WRNIP1: variants seen among roughly 807,000 people sequenced by gnomAD.
WRNIP1 encodes WRN helicase interacting protein 1.
In WRNIP1, 41 loss-of-function variants were observed where a neutral mutation model predicts 56.1. The ratio of observed to expected loss-of-function variants is 0.73; its 90% CI spans 0.57 to 0.95. The LOEUF (loss-of-function observed/expected upper bound fraction) is 0.95, where lower values mean the gene tolerates loss of function less well. Among genes scored for constraint, WRNIP1 ranks in the 40% least tolerant of loss-of-function variants. WRNIP1 has a pLI of 0.00. For missense variants in WRNIP1, 1,170 were observed against 939.4 expected (o/e 1.25, Z -3.21); for synonymous variants, 547 against 398.1 (o/e 1.37, Z -4.45).
In WRNIP1 at chr6:2,765,599, G is replaced by A. The variant is rs1457764094; in HGVS notation, c.-24G>A. On this transcript the variant is annotated 5_prime_UTR_variant, in exon 1 of 7. Transcript: ENST00000380773. ...GCACGGGTTGCTGCGGCCGCGCCGG[G>A]CGCCGGGGAGGGCGGCGGCCGCCAT... 5 of 1,489,350 alleles carry A rather than the reference G, an allele frequency of 3.4e-6. No individual in the cohort carries two copies. Among genetic ancestry groups the A allele is most frequent in the Non-Finnish European group, 3.5e-6 (4 of 1,127,214 alleles). The allele number at this position is 1,489,350 out of a possible 1,614,324, so 92.3% of individuals were successfully genotyped here.
chr6:2,784,640 C>T (rs1366284870), intron 6 of WRNIP1, among the ~76,000 whole-genome samples: 1 of 152,112 alleles, frequency 6.6e-6, no homozygotes, highest in Non-Finnish European at 1.5e-5. Context: ...AGCACATGCT[C>T]CATATGTTCC....
At position 2,765,506 on chromosome 6, in the gene WRNIP1, T is replaced by C; in HGVS notation, c.-117T>C. 1.6e-6 allele frequency: 2 copies of C among 1,256,124 alleles called. No homozygotes were observed. The highest frequency in any genetic ancestry group is 1.6e-5 in the African/African-American group (1 of 63,092). The allele number at this position is 1,256,124 out of a possible 1,614,324, so 77.8% of individuals were successfully genotyped here. A position where few individuals can be genotyped will look rare whatever the true frequency, so the allele number is the denominator to read the frequency against. ...GCCCTCCTCCGGCCCGCGAGCGTCC[T>C]GCTGGTTCCCCGAGCGAGGGTCTCG... On this transcript the variant is annotated 5_prime_UTR_variant, in exon 1 of 7. Coordinates refer to ENST00000380773, the MANE Select transcript of WRNIP1 (RefSeq NM_020135.3).
Position 2,765,658 on chromosome 6 carries a change from T to G in WRNIP1, c.36T>G (p.Leu12=), listed in dbSNP as rs1460517994. The G allele has an allele frequency of 6.5e-7, 1 of 1,546,326 alleles. No individual in the cohort carries two copies. Among genetic ancestry groups the G allele is most frequent in the African/African-American group, 1.4e-5 (1 of 70,088 alleles). ...EVSGPEDDPF[L]SQLHQVQCPV... ...GCGGGCCGGAAGACGACCCCTTCCT[T>G]TCGCAGCTGCACCAGGTGCAGTGCC... The change falls in exon 1 of 7, where the codon CTT becomes CTG. Residue 12 remains leucine (L), a synonymous_variant. Transcript: ENST00000380773.
intron 3 of WRNIP1, chr6:2,774,422 T>G (rs1765385025): frequency 9.2e-6 from 3 of 326,652 alleles, no homozygotes; most frequent in African/African-American, 2.2e-5. Context: ...TGGCATTCCT[T>G]GGCTTATGAC....
At position 2,766,039 on chromosome 6, in the gene WRNIP1, G is replaced by A; in HGVS notation, c.417G>A (p.Ser139=). The A allele has an allele frequency of 7.7e-7, 1 of 1,303,422 alleles. No homozygotes were observed. Among genetic ancestry groups the A allele is most frequent in the Non-Finnish European group, 9.7e-7 (1 of 1,030,752 alleles). 80.7% of individuals were successfully genotyped at this position (1,303,422 alleles called of 1,614,324 possible). ...CCAGCAGCCCCGGGAGGAAGGGGTC[G>A]GGGAAGAGGCCGGCGGCCGCCGCCG... ...ARSSSPGRKG[S]GKRPAAAAAA... The change falls in exon 1 of 7, where the codon TCG becomes TCA. Residue 139 remains serine (S), a synonymous_variant. Coordinates refer to ENST00000380773, the MANE Select transcript of WRNIP1 (RefSeq NM_020135.3).
At position 2,785,111 on chromosome 6, in the gene WRNIP1, GC is replaced by G. The variant is rs1488268078; in HGVS notation, c.1829del (p.Pro610HisfsTer9). ...AAGCCTGCCTGAGGAACCACCAGGG[GC>G]CACTGCCCCCCGTGCCCCTGCACCT... ...VKACLRNHQG[P>X]LPPVPLHLRN... On this transcript the variant is annotated frameshift_variant, in exon 7 of 7. Coordinates refer to ENST00000380773, the MANE Select transcript of WRNIP1 (RefSeq NM_020135.3). LOFTEE classifies it high-confidence loss of function. 1.2e-6 allele frequency: 2 copies of G among 1,614,084 alleles called. No homozygotes were observed. Among genetic ancestry groups the G allele is most frequent in the African/African-American group, 2.7e-5 (2 of 74,916 alleles).
At chr6:2,769,645 C>T (rs1258251354) in intron 2 of WRNIP1, among the ~76,000 whole-genome samples, 1 of 152,052 alleles carries the variant, frequency 6.6e-6, no homozygotes, top group Non-Finnish European at 1.5e-5. Flanking sequence ...GGACCACTGA[C>T]TCATCTTAGT....
chr6:2,781,465 A>T (rs1277154009), intron 4 of WRNIP1, among the ~76,000 whole-genome samples: 2 of 152,178 alleles, frequency 1.3e-5, no homozygotes, highest in African/African-American at 4.8e-5. Context: ...ATAAATAGGG[A>T]TAGTGGAAGC....
At chr6:2,769,940 A>G (rs1200310939) in intron 2 of WRNIP1, among the ~76,000 whole-genome samples, 180 bp from the exon 3 acceptor site, 1 of 152,226 alleles carries the variant, frequency 6.6e-6, no homozygotes, top group African/African-American at 2.4e-5. Context: ...TCAGACTTAA[A>G]AGCAAGAGTT....
In WRNIP1 at chr6:2,765,973, C is replaced by G; in HGVS notation, c.351C>G (p.Pro117=). ...SRESYDAPPT[P]SGARLIPDFP... is the part of the protein sequence containing the mutation. ...AGAGCTACGACGCGCCGCCCACACC[C>G]AGCGGCGCCCGCCTTATCCCCGACT... is the stretch of plus-strand genomic sequence containing the variant. Residue 117 remains proline, a synonymous_variant, in exon 1 of 7, where the codon CCC becomes CCG. Coordinates refer to ENST00000380773, the MANE Select transcript of WRNIP1 (RefSeq NM_020135.3). The G allele has an allele frequency of 7.1e-7, 1 of 1,410,568 alleles. No individual in the cohort carries two copies. The highest frequency in any genetic ancestry group is 9.3e-7 in the Non-Finnish European group (1 of 1,081,076). 87.4% of individuals were successfully genotyped at this position (1,410,568 alleles called of 1,614,324 possible). A position where few individuals can be genotyped will look rare whatever the true frequency, so the allele number is the denominator to read the frequency against.
intron 6 of WRNIP1, 73 bp from the exon 7 acceptor site, chr6:2,784,934 G>A (rs1003294371): frequency 1.0e-5 from 16 of 1,561,072 alleles, no homozygotes; most frequent in Non-Finnish European, 1.4e-5. Flanking sequence ...CTAGAGCTGT[G>A]TATCAGAAGG....
At position 2,765,879 on chromosome 6, in the gene WRNIP1, C is replaced by G; in HGVS notation, c.257C>G (p.Pro86Arg). 6.9e-7 allele frequency: 1 copy of G among 1,448,898 alleles called. No homozygotes were observed. The highest frequency in any genetic ancestry group is 1.3e-5 in the South Asian group (1 of 75,034). The allele number at this position is 1,448,898 out of a possible 1,614,324, so 89.8% of individuals were successfully genotyped here. Residue 86 changes from proline (P) to arginine (R), a missense_variant, in exon 1 of 7, where the codon CCG (proline) becomes CGG (arginine). Pro to Arg is a moderately radical substitution (Grantham distance 103). Coordinates refer to ENST00000380773, the MANE Select transcript of WRNIP1 (RefSeq NM_020135.3). ...TCGGCGCTGAAGCAGCCAGCCACCC[C>G]GACGGCAGCCGAGAGCAGCGAGGGC... is the stretch of plus-strand genomic sequence containing the variant. ...ESSALKQPAT[P>R]TAAESSEGEG...
intron 2 of WRNIP1, among the ~76,000 whole-genome samples, chr6:2,769,909 G>A (rs1426252376): frequency 6.6e-6 from 1 of 152,138 alleles, no homozygotes; most frequent in Non-Finnish European, 1.5e-5. Context: ...AGGCTTGGAC[G>A]GGCATTCCAG....
At chr6:2,781,150 A>G (rs1269907996) in intron 4 of WRNIP1, among the ~76,000 whole-genome samples, 3 of 152,186 alleles carry the variant, frequency 2.0e-5, no homozygotes, top group South Asian at 2.1e-4. Flanking sequence ...TCACCCGTCC[A>G]TGCACATACA....
intron 3 of WRNIP1, chr6:2,774,282 G>C (rs1765381857): frequency 1.0e-6 from 1 of 985,264 alleles, no homozygotes; most frequent in African/African-American, 1.7e-5. Context: ...CACTTCCTGT[G>C]GCTGCTGTAA....
intron 4 of WRNIP1, among the ~76,000 whole-genome samples, chr6:2,780,556 AG>A (rs1350355716): frequency 6.6e-6 from 1 of 152,216 alleles, no homozygotes; most frequent in East Asian, 1.9e-4. Context: ...AATGTGCCTC[AG>A]CGGGGCCTGC....
At position 2,766,141 on chromosome 6, in the gene WRNIP1, TGGCGACGGGGACGCGGACGCGGAC is replaced by T; in HGVS notation, c.525_548del (p.Asp175_Gly182del). ...AGGAGGAGGCCGTGGGCGACGGCGA[TGGCGACGGGGACGCGGACGCGGAC>T]GGCGAGGACGACCCGGGGCACTGGG... is the stretch of plus-strand genomic sequence containing the variant. On this transcript the variant is annotated inframe_deletion, in exon 1 of 7. Transcript: ENST00000380773. 5.6e-6 allele frequency: 7 copies of T among 1,241,282 alleles called. No individual in the cohort carries two copies. Among genetic ancestry groups the T allele is most frequent in the Non-Finnish European group, 7.2e-6 (7 of 971,028 alleles). 76.9% of individuals were successfully genotyped at this position (1,241,282 alleles called of 1,614,324 possible).
Position 2,785,500 on chromosome 6 carries a change from T to C in WRNIP1, c.*218T>C, listed in dbSNP as rs2113489913. 1.8e-6 allele frequency: 1 copy of C among 558,812 alleles called. No individual in the cohort carries two copies. The highest frequency in any genetic ancestry group is 2.9e-5 in the East Asian group (1 of 34,458). 34.6% of individuals were successfully genotyped at this position (558,812 alleles called of 1,614,324 possible). On this transcript the variant is annotated 3_prime_UTR_variant, in exon 7 of 7. Transcript: ENST00000380773. ...GCACTCGGTGCAGCGGTTATGCTTA[T>C]GAAAATACCTGGCAGCTTTGTGCAA...
intron 4 of WRNIP1, among the ~76,000 whole-genome samples, chr6:2,782,551 A>G (rs1372029059): frequency 6.6e-6 from 1 of 152,186 alleles, no homozygotes; most frequent in East Asian, 1.9e-4. Context: ...CTCCTCTGGG[A>G]GGAGTGAGAC....
Sources: gnomAD v4.1 joint callset for allele counts (sites outside exome capture counted in the v4.1 genomes callset) on GRCh38, gnomAD v4.1.1 for gene constraint, MANE v1.5 for transcripts, NCBI Gene and HGNC (gene_info 2026-07-23, HGNC 2026-07-21) for gene names.